TSHZ2: variants seen among roughly 807,000 people sequenced by gnomAD.
TSHZ2 encodes teashirt zinc finger homeobox 2, also known as teashirt homolog 2.
TSHZ2 carries 21 observed loss-of-function variants against 74.4 expected under a neutral mutation model. The ratio of observed to expected loss-of-function variants is 0.28; its 90% CI spans 0.20 to 0.41. The LOEUF is 0.41. Among genes scored for constraint, TSHZ2 ranks in the 10% least tolerant of loss-of-function variants. TSHZ2 has a pLI of 1.00. For missense variants in TSHZ2, 1,244 were observed against 1,293.5 expected (o/e 0.96, Z 0.59); for synonymous variants, 540 against 515.3 (o/e 1.05, Z -0.65).
intron 1 of TSHZ2, among the ~76,000 whole-genome samples, chr20:53,122,379 G>A (rs553414648): frequency 1.3e-5 from 2 of 151,716 alleles, no homozygotes; most frequent in South Asian, 2.1e-4. Context: ...AACATCATCA[G>A]CAGTAGCATC....
At chr20:53,238,858 A>T (rs1168070849) in intron 1 of TSHZ2, among the ~76,000 whole-genome samples, 1 of 151,558 alleles carries the variant, frequency 6.6e-6, no homozygotes, top group Non-Finnish European at 1.5e-5. Flanking sequence ...AAAAAAAAAA[A>T]AAAGAGCTAC....
intron 2 of TSHZ2, among the ~76,000 whole-genome samples, chr20:53,343,416 G>T (rs965085292): frequency 6.6e-6 from 1 of 152,216 alleles, no homozygotes; most frequent in South Asian, 2.1e-4. Flanking sequence ...GAATTCTCAG[G>T]TCACTTCCTG....
intron 2 of TSHZ2, among the ~76,000 whole-genome samples, chr20:53,301,170 C>CTGGTCACAT (rs1991470646): frequency 6.6e-6 from 1 of 152,098 alleles, no homozygotes; most frequent in Admixed American, 6.5e-5. Context: ...GTTGGCCAGG[C>CTGGTCACAT]TGGTCTTGAA....
intron 2 of TSHZ2, among the ~76,000 whole-genome samples, chr20:53,434,900 G>A (rs771866683): frequency 4.6e-5 from 7 of 152,220 alleles, no homozygotes; most frequent in Non-Finnish European, 1.0e-4. Context: ...TCAGCTCCTC[G>A]AGCGTGTTTG....
intron 1 of TSHZ2, among the ~76,000 whole-genome samples, chr20:53,059,176 A>G (rs748077446): frequency 7.2e-5 from 11 of 152,230 alleles, no homozygotes; most frequent in Non-Finnish European, 1.2e-4. Flanking sequence ...TCCTTCTGCA[A>G]CAGATGAGGT....
intron 1 of TSHZ2, among the ~76,000 whole-genome samples, chr20:53,086,529 C>T (rs1407528309): frequency 1.3e-5 from 2 of 152,086 alleles, no homozygotes; most frequent in Non-Finnish European, 2.9e-5. Flanking sequence ...GTGTGTCTAC[C>T]ACATTGGTTC....
intron 2 of TSHZ2, among the ~76,000 whole-genome samples, chr20:53,286,119 CAA>C (rs1303702667): frequency 6.6e-6 from 1 of 152,088 alleles, no homozygotes; most frequent in Non-Finnish European, 1.5e-5. Context: ...TTAATAATGC[CAA>C]AAGGTTATGT....
intron 2 of TSHZ2, among the ~76,000 whole-genome samples, chr20:53,337,928 T>C (rs2145561811): frequency 6.6e-6 from 1 of 152,360 alleles, no homozygotes; most frequent in Admixed American, 6.5e-5. Flanking sequence ...GATTGGAATA[T>C]GGTTCTTCAG....
chr20:53,481,623 T>C (rs1986152946), intron 2 of TSHZ2, among the ~76,000 whole-genome samples: 1 of 151,862 alleles, frequency 6.6e-6, no homozygotes, highest in Admixed American at 6.6e-5. Context: ...TAATAGTGTG[T>C]TGTCCCAAAG....
intron 1 of TSHZ2, among the ~76,000 whole-genome samples, chr20:53,111,744 C>A (rs1344186157): frequency 5.9e-5 from 9 of 152,292 alleles, no homozygotes; most frequent in Admixed American, 5.9e-4. Flanking sequence ...TAGAGGGGCC[C>A]AGTGCAAAAT....
chr20:53,354,039 A>G (rs540985014), intron 2 of TSHZ2, among the ~76,000 whole-genome samples: 6 of 152,356 alleles, frequency 3.9e-5, no homozygotes, highest in African/African-American at 1.4e-4. Context: ...GGAAGGATTC[A>G]GTGTAATGCC....
intron 1 of TSHZ2, among the ~76,000 whole-genome samples, chr20:52,985,773 C>T (rs976611738): frequency 1.3e-5 from 2 of 152,150 alleles, no homozygotes; most frequent in African/African-American, 4.8e-5. Flanking sequence ...GAGCCGAAAG[C>T]ATGTCTCTAC....
chr20:53,194,213 G>A (rs1988805475), intron 1 of TSHZ2, among the ~76,000 whole-genome samples: 2 of 152,132 alleles, frequency 1.3e-5, no homozygotes, highest in Non-Finnish European at 2.9e-5. Context: ...GTTTTGTTGG[G>A]AGCCTGCTGT....
chr20:53,183,171 C>G (rs1402909351), intron 1 of TSHZ2, among the ~76,000 whole-genome samples: 3 of 152,218 alleles, frequency 2.0e-5, no homozygotes, highest in African/African-American at 7.2e-5. Flanking sequence ...ATTCTCCCAA[C>G]CCAACCATTC....
rs536319872 is a variant in TSHZ2, at chr20:53,208,436, T to C, written c.41-45063T>C. On this transcript the variant is annotated intron_variant, in intron 1 of 2. Transcript: ENST00000371497. ...CATTTAATCCTGGATCAGTTCTTTG[T>C]AGTAAGAGGTGTAACCCTGATTTGT... Among the ~76,000 whole-genome samples, 3 of 152,212 alleles carry C rather than the reference T, an allele frequency of 2.0e-5. No homozygotes were observed. The South Asian group carries it at 6.2e-4, about 32-fold the overall frequency.
chr20:53,385,174 C>A (rs1243856819), intron 2 of TSHZ2, among the ~76,000 whole-genome samples: 3 of 151,982 alleles, frequency 2.0e-5, no homozygotes, highest in Admixed American at 1.3e-4. Flanking sequence ...AGGAGTCAAC[C>A]CAGATCTAGA....
intron 1 of TSHZ2, among the ~76,000 whole-genome samples, chr20:53,051,101 G>C (rs552502583): frequency 7.9e-5 from 12 of 152,326 alleles, no homozygotes; most frequent in Admixed American, 1.3e-4. Context: ...CACTTTGGGA[G>C]GCTGAGGTGA....
chr20:53,025,320 A>G lies in TSHZ2; in HGVS notation c.40+51987A>G, dbSNP rs375741063. ...TTTGAAGATCTTGGTTTATTACTTCATCATATATTGATTCAAAGATCTGGT... is the reference window on the plus strand; with the variant it reads ...TTTGAAGATCTTGGTTTATTACTTCGTCATATATTGATTCAAAGATCTGGT... On this transcript the variant is annotated intron_variant, in intron 1 of 2. Transcript: ENST00000371497. Among the ~76,000 whole-genome samples, 14 of 152,264 alleles carry G rather than the reference A, an allele frequency of 9.2e-5. No homozygotes were observed. The East Asian group carries it at 1.3e-3, about 15-fold the overall frequency.
At position 53,253,837 on chromosome 20, in the gene TSHZ2, G is replaced by A. The variant is rs116499498; in HGVS notation, c.379G>A (p.Ala127Thr). ...EAHNCMDKMT[A>T]VYANILSDSY... is the part of the protein sequence containing the mutation. ...ACACAATTGCATGGATAAAATGACCGCTGTCTACGCCAACATCCTGTCGGA... is the reference window on the plus strand; with the variant it reads ...ACACAATTGCATGGATAAAATGACCACTGTCTACGCCAACATCCTGTCGGA... Residue 127 changes from alanine to threonine, a missense_variant, in exon 2 of 3, where the codon GCT (alanine) becomes ACT (threonine). Ala to Thr is a moderately conservative substitution (Grantham distance 58). Transcript: ENST00000371497. The A allele has an allele frequency of 1.3e-3, 2,122 of 1,614,154 alleles. 25 individuals are homozygous for A. The African/African-American group carries it at 0.025, about 19-fold the overall frequency.
Sources: allele counts gnomAD v4.1 joint callset (sites outside exome capture counted in the v4.1 genomes callset), GRCh38; gene constraint gnomAD v4.1.1; transcripts MANE v1.5; gene names NCBI Gene and HGNC (gene_info 2026-07-23, HGNC 2026-07-21).